Variants in TMEM177 observed in about 807,000 individuals in gnomAD.
TMEM177 encodes the protein transmembrane protein 177.
TMEM177 carries 4 observed loss-of-function variants against 14.2 expected under a neutral mutation model. The observed-to-expected ratio is 0.28, with a 90% CI of 0.14 to 0.64. TMEM177 has a LOEUF of 0.64. Ranked by LOEUF, TMEM177 falls within the 30% of genes least tolerant of loss-of-function variation. TMEM177 has a pLI of 0.82. For synonymous variants in TMEM177, 179 were observed against 174.5 expected (o/e 1.03, Z -0.20); for missense variants, 344 against 405.2 (o/e 0.85, Z 1.30).
the TMEM177 span, among the ~76,000 whole-genome samples, chr2:119,721,764 G>C: frequency 6.6e-6 from 1 of 152,232 alleles, no homozygotes; most frequent in African/African-American, 2.4e-5. Flanking sequence ...CAGAAGGGCT[G>C]CCAGCAGCAA....
chr2:119,692,710 C>T, the TMEM177 span, among the ~76,000 whole-genome samples: 3 of 152,134 alleles, frequency 2.0e-5, no homozygotes, highest in African/African-American at 4.8e-5. Flanking sequence ...TGGTGGCTCA[C>T]GCCTGTAATC....
chr2:119,700,240 T>G, the TMEM177 span: 3 of 158,150 alleles, frequency 1.9e-5, no homozygotes, highest in South Asian at 5.5e-4. Context: ...GAGGTGGGTG[T>G]ACTTGGGGTA....
the TMEM177 span, among the ~76,000 whole-genome samples, chr2:119,704,197 G>A: frequency 6.6e-6 from 1 of 152,220 alleles, no homozygotes; most frequent in Non-Finnish European, 1.5e-5. Context: ...GGAAGAACAT[G>A]CTGACAAAGG....
At chr2:119,691,964 A>AGCCTC in the TMEM177 span, among the ~76,000 whole-genome samples, 7 of 152,312 alleles carry the variant, frequency 4.6e-5, no homozygotes, top group Admixed American at 3.9e-4. Flanking sequence ...CAGATGGCCC[A>AGCCTC]GCCTCGCAGT....
chr2:119,699,186 C>A, the TMEM177 span: 2 of 154,224 alleles, frequency 1.3e-5, no homozygotes, highest in South Asian at 3.6e-4. Context: ...TCACACAGTT[C>A]AGCATGGCTG....
At chr2:119,718,543 C>T in the TMEM177 span, among the ~76,000 whole-genome samples, 1 of 152,222 alleles carries the variant, frequency 6.6e-6, no homozygotes, top group Non-Finnish European at 1.5e-5. Flanking sequence ...TTATTTGCTA[C>T]TTTCAAAGGA....
chr2:119,715,409 G>A, the TMEM177 span, among the ~76,000 whole-genome samples: 1 of 152,114 alleles, frequency 6.6e-6, no homozygotes, highest in Non-Finnish European at 1.5e-5. Context: ...AAAAGAGAGA[G>A]AGAGACAGAG....
At chr2:119,685,696 A>T, downstream of TMEM177, 1 of 718,048 alleles carries the variant, frequency 1.4e-6, no homozygotes, top group Non-Finnish European at 2.6e-6. Context: ...AATTTGCCCT[A>T]AATCATAAAA....
intron 1 of TMEM177, among the ~76,000 whole-genome samples, chr2:119,680,606 G>A (rs976887747): frequency 1.1e-4 from 17 of 152,096 alleles, no homozygotes; most frequent in Non-Finnish European, 2.2e-4. Context: ...GCTCATCACC[G>A]CCACCCTAGA....
At chr2:119,696,056 C>A in the TMEM177 span, among the ~76,000 whole-genome samples, 1 of 152,172 alleles carries the variant, frequency 6.6e-6, no homozygotes, top group Non-Finnish European at 1.5e-5. Flanking sequence ...GTGAGCCACA[C>A]TAGGGAGAGG....
downstream of TMEM177, among the ~76,000 whole-genome samples, chr2:119,688,181 A>G (rs933665977): frequency 6.6e-6 from 1 of 152,216 alleles, no homozygotes; most frequent in Non-Finnish European, 1.5e-5. Context: ...TAAATATCAA[A>G]TCTTTTTTTA....
chr2:119,693,701 GA>G, the TMEM177 span, among the ~76,000 whole-genome samples: 1 of 152,058 alleles, frequency 6.6e-6, no homozygotes, highest in Non-Finnish European at 1.5e-5. Flanking sequence ...GCAGCCTGAG[GA>G]AAAAGGCCTC....
chr2:119,694,864 G>A, the TMEM177 span, among the ~76,000 whole-genome samples: 3 of 152,316 alleles, frequency 2.0e-5, no homozygotes, highest in East Asian at 5.8e-4. Flanking sequence ...ACCTACCCCA[G>A]CCTGCTTATA....
At chr2:119,721,777 T>C in the TMEM177 span, among the ~76,000 whole-genome samples, 1 of 152,190 alleles carries the variant, frequency 6.6e-6, no homozygotes, top group Admixed American at 6.5e-5. Flanking sequence ...AGCAGCAACA[T>C]ACCTACTAGT....
At chr2:119,697,683 G>C in the TMEM177 span, among the ~76,000 whole-genome samples, 2 of 152,082 alleles carry the variant, frequency 1.3e-5, no homozygotes, top group Non-Finnish European at 2.9e-5. Context: ...CTCTGTCTGT[G>C]CTGTCGTGGC....
At chr2:119,696,107 C>A in the TMEM177 span, among the ~76,000 whole-genome samples, 1 of 152,154 alleles carries the variant, frequency 6.6e-6, no homozygotes, top group Non-Finnish European at 1.5e-5. Context: ...GGCTGCAGAC[C>A]ATCCTACAGG....
the TMEM177 span, among the ~76,000 whole-genome samples, chr2:119,693,876 A>AACAC: frequency 7.7e-5 from 3 of 39,028 alleles, no homozygotes; most frequent in Non-Finnish European, 1.8e-4. Context: ...CACAAACACA[A>AACAC]CACACAAACA....
the TMEM177 span, among the ~76,000 whole-genome samples, chr2:119,704,031 A>G: frequency 0.024 from 3,583 of 152,344 alleles, 81 homozygotes; most frequent in Non-Finnish European, 0.033. Flanking sequence ...AGAAAAATAC[A>G]GAACTTTGTA....
At chr2:119,683,108 T>C (rs914148479), downstream of TMEM177, among the ~76,000 whole-genome samples, 1 of 152,128 alleles carries the variant, frequency 6.6e-6, no homozygotes, top group African/African-American at 2.4e-5. Context: ...GTCCTGGCAG[T>C]AGACCTGGAG....
Sources: allele counts gnomAD v4.1 joint callset (sites outside exome capture counted in the v4.1 genomes callset), GRCh38; gene constraint gnomAD v4.1.1; transcripts MANE v1.5; gene names NCBI Gene and HGNC (gene_info 2026-07-23, HGNC 2026-07-21).